UBXN7: variants seen among roughly 807,000 people sequenced by gnomAD.
UBXN7 encodes UBX domain-containing protein 7.
Under a neutral mutation model 58.0 loss-of-function variants are expected in UBXN7, and 9 were observed. The observed-to-expected ratio is 0.16, with a 90% CI of 0.09 to 0.27. The LOEUF is 0.27. Among genes scored for constraint, UBXN7 ranks in the 10% least tolerant of loss-of-function variants. The pLI is 1.00. For missense variants in UBXN7, 328 were observed against 599.6 expected, an observed-to-expected ratio of 0.55 and a Z score of 4.73; for synonymous variants, 208 against 205.0, an observed-to-expected ratio of 1.01 and a Z score of -0.12.
At chr3:196,377,165 G>T (rs1029217955) in intron 5 of UBXN7, among the ~76,000 whole-genome samples, 8 of 152,128 alleles carry the variant, frequency 5.3e-5, no homozygotes, top group Non-Finnish European at 7.4e-5. Flanking sequence ...AGACCCCGTG[G>T]ACACACAACA....
chr3:196,378,864 A>G (rs1435543686), intron 5 of UBXN7, among the ~76,000 whole-genome samples: 1 of 140,982 alleles, frequency 7.1e-6, no homozygotes, highest in East Asian at 2.2e-4. Flanking sequence ...GGGGGATTTT[A>G]GCCAGCTTCT....
At chr3:196,376,312 G>T (rs906471291) in intron 5 of UBXN7, among the ~76,000 whole-genome samples, 60 of 152,168 alleles carry the variant, frequency 3.9e-4, no homozygotes, top group African/African-American at 1.2e-3. Flanking sequence ...GGAGGCCGAG[G>T]TGGGTGGATC....
chr3:196,371,955 C>T lies in UBXN7; in HGVS notation c.556G>A (p.Asp186Asn). The T allele has an allele frequency of 6.2e-7, 1 of 1,613,854 alleles. No homozygotes were observed. Among genetic ancestry groups the T allele is most frequent in the Non-Finnish European group, 8.5e-7 (1 of 1,179,968 alleles). ...TTCACAGCTTCGTTGCTCCACACAT[C>T]GCGGTTGAGGCACTGACATGCAAAG... is the stretch of plus-strand genomic sequence containing the variant. ...QDFACQCLNR[D>N]VWSNEAVKNI... Residue 186 changes from aspartate (D) to asparagine (N), a missense_variant, in exon 6 of 11, where the codon GAT becomes AAT. Around this residue, in one of 4 missense-constraint regions of UBXN7, gnomAD observed 126 missense variants for 302.6 expected, o/e 0.42. Transcript: ENST00000296328.
Position 196,349,696 on chromosome 3 carries a change from A to G in UBXN7, c.*6989T>C, listed in dbSNP as rs1485041201. Reference sequence around the variant, plus strand: ...TCAAGAATCTCTCCCTTATCAGTTAAGAGTTCCATACTGAGTCTATGAAAA... The same window carrying G: ...TCAAGAATCTCTCCCTTATCAGTTAGGAGTTCCATACTGAGTCTATGAAAA... On this transcript the variant is annotated 3_prime_UTR_variant, in exon 11 of 11. Transcript: ENST00000296328. 3 of 152,222 alleles carry G rather than the reference A, an allele frequency of 2.0e-5. No individual in the cohort carries two copies. The highest frequency in any genetic ancestry group is 2.0e-4 in the Admixed American group (3 of 15,280). 9.4% of individuals were successfully genotyped at this position (152,222 alleles called of 1,614,324 possible).
intron 1 of UBXN7, among the ~76,000 whole-genome samples, chr3:196,409,525 C>T (rs1730259528): frequency 1.3e-5 from 2 of 152,070 alleles, no homozygotes. Context: ...AGGTACATTT[C>T]CTCCTAAGAG....
At chr3:196,422,067 G>T (rs1730706243) in intron 1 of UBXN7, among the ~76,000 whole-genome samples, 1 of 151,990 alleles carries the variant, frequency 6.6e-6, no homozygotes, top group South Asian at 2.1e-4. Context: ...AGGCAAGGTG[G>T]TGCACGCCTG....
At chr3:196,366,920 C>T (rs956849515) in intron 8 of UBXN7, among the ~76,000 whole-genome samples, 12 of 152,032 alleles carry the variant, frequency 7.9e-5, no homozygotes, top group African/African-American at 2.7e-4. Context: ...CGTTAGCTCA[C>T]GCCTGTAATC....
chr3:196,370,346 G>C (rs1486272630), intron 6 of UBXN7, among the ~76,000 whole-genome samples: 1 of 151,404 alleles, frequency 6.6e-6, no homozygotes, highest in Non-Finnish European at 1.5e-5. Flanking sequence ...AGCAACTCAG[G>C]AGACTGAGGT....
intron 1 of UBXN7, 78 bp from the exon 2 acceptor site, chr3:196,407,471 A>G: frequency 6.7e-7 from 1 of 1,501,610 alleles, no homozygotes; most frequent in South Asian, 1.3e-5. Context: ...TCATATTAGA[A>G]TTCCCAAGTA....
At chr3:196,382,594 A>G (rs1729240318) in intron 5 of UBXN7, among the ~76,000 whole-genome samples, 1 of 152,228 alleles carries the variant, frequency 6.6e-6, no homozygotes, top group Non-Finnish European at 1.5e-5. Context: ...TGGGCAAAAT[A>G]ACCAGCTAAC....
At chr3:196,367,631 C>A (rs942513154) in intron 8 of UBXN7, among the ~76,000 whole-genome samples, 1 of 152,114 alleles carries the variant, frequency 6.6e-6, no homozygotes, top group Non-Finnish European at 1.5e-5. Context: ...CACAAAAAAA[C>A]CAACCACTTT....
At position 196,358,816 on chromosome 3, in the gene UBXN7, CTCTT is replaced by C. The variant is rs1201515884; in HGVS notation, c.1309-1974_1309-1971del. On this transcript the variant is annotated intron_variant, in intron 10 of 10. Transcript: ENST00000296328. ...AGAGATCAGACTAAACATCTAACACCTCTTTCTTTTTTTTTTTTTTTTTAAACAG... is the reference window on the plus strand; with the variant it reads ...AGAGATCAGACTAAACATCTAACACCTCTTTTTTTTTTTTTTTTTAAACAG... 5.3e-5 allele frequency among the ~76,000 whole-genome samples: 8 copies of C among 151,562 alleles called. No homozygotes were observed. In the South Asian group the frequency reaches 6.3e-4, roughly 12 times the overall value.
Position 196,356,431 on chromosome 3 carries a change from G to C in UBXN7, c.*254C>G, listed in dbSNP as rs1728350377. 2.7e-6 allele frequency: 1 copy of C among 367,900 alleles called. No individual in the cohort carries two copies. The allele number at this position is 367,900 out of a possible 1,614,324, so 22.8% of individuals were successfully genotyped here. On this transcript the variant is annotated 3_prime_UTR_variant, in exon 11 of 11. Transcript: ENST00000296328. ...CACTTCAGTTTGGTCACCAGATTAG[G>C]TAAGAAAGAAAAGTGTGGGGGGAGG...
At chr3:196,410,837 C>T (rs1449609334) in intron 1 of UBXN7, among the ~76,000 whole-genome samples, 1 of 150,842 alleles carries the variant, frequency 6.6e-6, no homozygotes, top group African/African-American at 2.4e-5. Context: ...AAAAAAAAAT[C>T]CCTTAATGGC....
intron 1 of UBXN7, among the ~76,000 whole-genome samples, chr3:196,418,260 AGGAG>A (rs1183710328): frequency 6.8e-6 from 1 of 147,104 alleles, no homozygotes; most frequent in Non-Finnish European, 1.5e-5. Context: ...AAAAGAAGGA[AGGAG>A]GGAGGGAGGG....
chr3:196,389,602 C>T (rs1729515854), intron 5 of UBXN7, among the ~76,000 whole-genome samples: 1 of 152,230 alleles, frequency 6.6e-6, no homozygotes, highest in African/African-American at 2.4e-5. Flanking sequence ...TGACCCCTTG[C>T]TCCTCGCACC....
In UBXN7 at chr3:196,419,797, C is replaced by T. The variant is rs115711689; in HGVS notation, c.74-12404G>A. Among the ~76,000 whole-genome samples, 402 of 152,250 alleles carry T rather than the reference C, an allele frequency of 2.6e-3. 1 individual carries two copies. Among genetic ancestry groups the T allele is most frequent in the African/African-American group, 9.5e-3 (394 of 41,532 alleles). ...TACTCGAACCTTCATTTCAGACTTC[C>T]GGCCTCCAGAACCATCACAGAATAA... On this transcript the variant is annotated intron_variant, in intron 1 of 10. Coordinates refer to ENST00000296328, the MANE Select transcript of UBXN7 (RefSeq NM_015562.2).
intron 9 of UBXN7, 75 bp from the exon 10 acceptor site, chr3:196,361,998 T>C (rs1017700445): frequency 1.2e-5 from 16 of 1,374,172 alleles, no homozygotes; most frequent in African/African-American, 7.3e-5. Flanking sequence ...TAAATAAATA[T>C]GTAAATAAAT....
intron 1 of UBXN7, chr3:196,431,873 G>A (rs763786201): frequency 1.9e-5 from 7 of 364,688 alleles, no homozygotes; most frequent in South Asian, 9.8e-5. Context: ...GCAGGCCGGG[G>A]ACCGGGGCAG....
Sources: gnomAD v4.1 joint callset for allele counts (sites outside exome capture counted in the v4.1 genomes callset) on GRCh38, gnomAD v4.1.1 for gene constraint, gnomAD v4.1.1 regional missense constraint, MANE v1.5 for transcripts, NCBI Gene and HGNC (gene_info 2026-07-23, HGNC 2026-07-21) for gene names.